Variants in CNTNAP2 observed in about 807,000 individuals in gnomAD.
CNTNAP2 encodes contactin associated protein 2.
CNTNAP2 carries 98 observed loss-of-function variants against 155.2 expected under a neutral mutation model. That is an observed-to-expected ratio of 0.63 (90% CI 0.54 to 0.75). CNTNAP2 has a LOEUF of 0.75. CNTNAP2 is among the 30% of genes least tolerant of loss of function. The probability of loss-of-function intolerance (pLI) is 0.00; values close to 1 mark genes in which losing one functional copy is unlikely to be tolerated. For synonymous variants in CNTNAP2, 651 were observed against 631.2 expected (o/e 1.03, Z -0.47); for missense variants, 1,727 against 1,688.1 (o/e 1.02, Z -0.40).
intron 3 of CNTNAP2, among the ~76,000 whole-genome samples, chr7:146,977,063 G>A (rs758458337): frequency 6.6e-6 from 1 of 151,994 alleles, no homozygotes; most frequent in Admixed American, 6.6e-5. Context: ...TTGCTCCTGA[G>A]GTCTAAAGAA....
At chr7:147,971,552 T>C (rs540472257) in intron 14 of CNTNAP2, among the ~76,000 whole-genome samples, 21 of 152,310 alleles carry the variant, frequency 1.4e-4, no homozygotes, top group African/African-American at 4.8e-4. Flanking sequence ...GAATATGTGA[T>C]TTTTTTGTGT....
intron 13 of CNTNAP2, among the ~76,000 whole-genome samples, chr7:147,726,873 A>G (rs1200000073): frequency 6.6e-6 from 1 of 152,054 alleles, no homozygotes; most frequent in African/African-American, 2.4e-5. Flanking sequence ...TTATATTATA[A>G]TTAAATGAGC....
chr7:146,549,371 A>G (rs755483562), intron 1 of CNTNAP2, among the ~76,000 whole-genome samples: 1 of 152,078 alleles, frequency 6.6e-6, no homozygotes, highest in Non-Finnish European at 1.5e-5. Context: ...TTGAATCAAT[A>G]TTAAGGAAAT....
chr7:146,520,274 A>G (rs940089445), intron 1 of CNTNAP2, among the ~76,000 whole-genome samples: 8 of 147,236 alleles, frequency 5.4e-5, no homozygotes, highest in South Asian at 2.1e-4. Context: ...ATTGTTATAT[A>G]TACATTATAA....
chr7:147,322,888 G>A (rs1183827265), intron 9 of CNTNAP2, among the ~76,000 whole-genome samples: 1 of 128,798 alleles, frequency 7.8e-6, no homozygotes, highest in African/African-American at 3.2e-5. Context: ...ATTCTCTGAC[G>A]GTAGTTTGTA....
chr7:146,182,597 A>G (rs1265554196), intron 1 of CNTNAP2, among the ~76,000 whole-genome samples: 1 of 152,156 alleles, frequency 6.6e-6, no homozygotes, highest in Non-Finnish European at 1.5e-5. Context: ...ATCCATTTCC[A>G]TCGCTTCACT....
intron 3 of CNTNAP2, among the ~76,000 whole-genome samples, chr7:146,875,674 C>T (rs954184825): frequency 5.3e-5 from 8 of 151,056 alleles, no homozygotes; most frequent in African/African-American, 1.7e-4. Context: ...TTGCTTTTGG[C>T]GGGGGGGCAA....
At chr7:146,125,462 G>C (rs1430006695) in intron 1 of CNTNAP2, among the ~76,000 whole-genome samples, 1 of 151,098 alleles carries the variant, frequency 6.6e-6, no homozygotes, top group Non-Finnish European at 1.5e-5. Flanking sequence ...TGTAGTCCCA[G>C]CTACTTGGAA....
intron 13 of CNTNAP2, among the ~76,000 whole-genome samples, chr7:147,826,540 A>G (rs1207862540): frequency 2.0e-5 from 3 of 152,198 alleles, no homozygotes; most frequent in Middle Eastern, 3.2e-3. Context: ...AGCACATGCT[A>G]TATATATGAT....
At chr7:146,611,230 G>T (rs1214695444) in intron 1 of CNTNAP2, among the ~76,000 whole-genome samples, 1 of 152,114 alleles carries the variant, frequency 6.6e-6, no homozygotes, top group East Asian at 1.9e-4. Flanking sequence ...AGGGCTACAG[G>T]CGAACCCCAT....
At chr7:146,143,753 A>T (rs1184106982) in intron 1 of CNTNAP2, among the ~76,000 whole-genome samples, 1 of 151,972 alleles carries the variant, frequency 6.6e-6, no homozygotes, top group East Asian at 1.9e-4. Context: ...AGTATCATAG[A>T]TCTAAATTCT....
At chr7:146,690,442 A>G (rs1389487392) in intron 1 of CNTNAP2, among the ~76,000 whole-genome samples, 3 of 152,174 alleles carry the variant, frequency 2.0e-5, no homozygotes, top group Admixed American at 6.6e-5. Flanking sequence ...CTGTGGCTAC[A>G]GTTTGCTCAC....
At chr7:147,587,217 C>A (rs1411170143) in intron 12 of CNTNAP2, among the ~76,000 whole-genome samples, 1 of 152,162 alleles carries the variant, frequency 6.6e-6, no homozygotes, top group Non-Finnish European at 1.5e-5. Flanking sequence ...TGTGAATTAG[C>A]GTCGTGAATA....
chr7:146,961,402 A>G (rs1021837082), intron 3 of CNTNAP2, among the ~76,000 whole-genome samples: 3 of 152,128 alleles, frequency 2.0e-5, no homozygotes, highest in African/African-American at 7.2e-5. Context: ...AAATATTAAC[A>G]ATTTTGCTGT....
intron 6 of CNTNAP2, chr7:147,122,892 A>G (rs1404651191): frequency 6.6e-6 from 1 of 152,200 alleles, no homozygotes; most frequent in Non-Finnish European, 1.5e-5. Context: ...GTATAATTTT[A>G]TAAGAATATG....
At chr7:146,424,597 TACAA>T (rs71884299) in intron 1 of CNTNAP2, among the ~76,000 whole-genome samples, 5,399 of 152,284 alleles carry the variant, frequency 0.035, 334 homozygotes, top group African/African-American at 0.12. Context: ...ATTTAGTTTT[TACAA>T]ACAGTTTAAG....
chr7:147,389,834 T>G (rs548191065), intron 9 of CNTNAP2, among the ~76,000 whole-genome samples: 2 of 152,344 alleles, frequency 1.3e-5, no homozygotes, highest in African/African-American at 4.8e-5. Flanking sequence ...TCATAGAAAT[T>G]CAAAGATATA....
intron 3 of CNTNAP2, among the ~76,000 whole-genome samples, chr7:146,878,664 TC>T (rs1795478936): frequency 6.6e-6 from 1 of 152,178 alleles, no homozygotes; most frequent in South Asian, 2.1e-4. Context: ...CGCCTGTTTC[TC>T]TGACCCCATT....
chr7:147,511,997 T>C (rs1206948031), intron 11 of CNTNAP2, among the ~76,000 whole-genome samples: 1 of 152,168 alleles, frequency 6.6e-6, no homozygotes, highest in Non-Finnish European at 1.5e-5. Context: ...ATGCATGTAA[T>C]TACCTTGACC....
Sources: allele counts gnomAD v4.1 joint callset (sites outside exome capture counted in the v4.1 genomes callset), GRCh38; gene constraint gnomAD v4.1.1; transcripts MANE v1.5; gene names NCBI Gene and HGNC (gene_info 2026-07-23, HGNC 2026-07-21).